Variants in LAMA3 observed in about 807,000 individuals in gnomAD.
The protein encoded by LAMA3 is laminin subunit alpha-3.
In LAMA3, 281 loss-of-function variants were observed where a neutral mutation model predicts 402.0. That is an observed-to-expected ratio of 0.70 (90% CI 0.63 to 0.77). The LOEUF is 0.77. Ranked by LOEUF, LAMA3 falls within the 30% of genes least tolerant of loss-of-function variation. The pLI, the probability that LAMA3 is intolerant of heterozygous loss-of-function variation, is 0.00. For missense variants in LAMA3, 3,840 were observed against 4,215.5 expected (o/e 0.91, Z 2.47); for synonymous variants, 1,431 against 1,558.4 (o/e 0.92, Z 1.93).
chr18:23,850,429 G>T (rs1023753489), intron 32 of LAMA3, among the ~76,000 whole-genome samples: 1 of 152,172 alleles, frequency 6.6e-6, no homozygotes. Context: ...CTCACCTTTG[G>T]CAAGTCCTAG....
chr18:23,719,425 T>C (rs2061170062), intron 2 of LAMA3, among the ~76,000 whole-genome samples: 1 of 152,210 alleles, frequency 6.6e-6, no homozygotes, highest in Admixed American at 6.5e-5. Context: ...AAAATGTTAT[T>C]TAAAATGCAA....
chr18:23,880,924 T>C (rs2064874905), intron 39 of LAMA3, among the ~76,000 whole-genome samples: 2 of 152,080 alleles, frequency 1.3e-5, no homozygotes, highest in African/African-American at 4.8e-5. Flanking sequence ...TGACACTCAT[T>C]AAAGTTTCCT....
At position 23,833,836 on chromosome 18, in the gene LAMA3, G is replaced by T; in HGVS notation, c.2832G>T (p.Leu944Phe). ...MVDLSGREVE[L>F]HLRLRIPQVG... ...CTTGGCCTCTGTGACAGGTGGAATT[G>T]CATCTGCGGCTGCGCATCCCACAGG... The change falls in exon 24 of 75, where the codon TTG becomes TTT. Residue 944 changes from leucine to phenylalanine, a missense_variant. This residue lies in a region of LAMA3 where 2,109 missense variants were observed against 2,376.0 expected (regional missense o/e 0.89). Transcript: ENST00000313654. The T allele has an allele frequency of 6.2e-7, 1 of 1,613,002 alleles. No individual in the cohort carries two copies. The highest frequency in any genetic ancestry group is 8.5e-7 in the Non-Finnish European group (1 of 1,180,008).
At position 23,882,064 on chromosome 18, in the gene LAMA3, A is replaced by T; in HGVS notation, c.5222+19A>T. 1.3e-6 allele frequency: 2 copies of T among 1,574,846 alleles called. No individual in the cohort carries two copies. The highest frequency in any genetic ancestry group is 1.7e-6 in the Non-Finnish European group (2 of 1,144,720). Reference sequence around the variant, plus strand: ...CTAACAGGTACCGTAGCAGCTTGACATAACCTACAGGGACCCAAAGTCGTT... The same window carrying T: ...CTAACAGGTACCGTAGCAGCTTGACTTAACCTACAGGGACCCAAAGTCGTT... On this transcript the variant is annotated intron_variant, in intron 40 of 74. Coordinates refer to ENST00000313654, the MANE Select transcript of LAMA3 (RefSeq NM_198129.4).
chr18:23,743,620 T>A (rs569926883), intron 2 of LAMA3, among the ~76,000 whole-genome samples: 38 of 152,360 alleles, frequency 2.5e-4, no homozygotes, highest in Non-Finnish European at 4.4e-4. Flanking sequence ...TTGTCTTCCC[T>A]ACTCACCCTG....
At chr18:23,872,581 C>A (rs2144825591) in intron 38 of LAMA3, among the ~76,000 whole-genome samples, 1 of 152,264 alleles carries the variant, frequency 6.6e-6, no homozygotes, top group East Asian at 1.9e-4. Flanking sequence ...ACTTTTTAAA[C>A]CTGCAAAAAC....
chr18:23,754,102 G>C lies in LAMA3; in HGVS notation c.947+290G>C, dbSNP rs150045739. On this transcript the variant is annotated intron_variant, in intron 6 of 74. Coordinates refer to ENST00000313654, the MANE Select transcript of LAMA3 (RefSeq NM_198129.4). ...CATACCTCAGGCAGCCAATTGATTA[G>C]AGCTGGCAAGAGAAATAAAACTTGT... Among the ~76,000 whole-genome samples, 11 of 152,226 alleles carry C rather than the reference G, an allele frequency of 7.2e-5. No homozygotes were observed. The South Asian group carries it at 1.2e-3, about 17-fold the overall frequency.
chr18:23,822,258 G>A lies in LAMA3; in HGVS notation c.2311G>A (p.Val771Ile). 1 of 1,613,870 alleles carries A rather than the reference G, an allele frequency of 6.2e-7. No individual in the cohort carries two copies. Among genetic ancestry groups the A allele is most frequent in the Non-Finnish European group, 8.5e-7 (1 of 1,179,864 alleles). Residue 771 changes from valine (V) to isoleucine (I), a missense_variant, in exon 20 of 75, where the codon GTA becomes ATA. By Grantham distance (29) the Val-to-Ile change is conservative. Transcript: ENST00000313654. ...GCGTTTCGGTATTTTTCAGAATGAT[G>A]TAAGAATAACATTGAATGTAGGGAA... ...YAQMTSVQND[V>I]RITLNVGKSS...
Position 23,951,751 on chromosome 18 carries a change from G to A in LAMA3, c.9710G>A (p.Cys3237Tyr), listed in dbSNP as rs752439660. 5.6e-6 allele frequency: 9 copies of A among 1,613,934 alleles called. No individual in the cohort carries two copies. Among genetic ancestry groups the A allele is most frequent in the South Asian group, 1.1e-5 (1 of 91,070 alleles). Residue 3237 changes from cysteine to tyrosine, a missense_variant, in exon 73 of 75, where the codon TGT becomes TAT. This residue lies in a region of LAMA3 where 840 missense variants were observed against 981.9 expected (regional missense o/e 0.86). Transcript: ENST00000313654. ...STSVTPKQSL[C>Y]DGQWHSVAVT... ...TCGGTCACACCAAAGCAGTCTCTGT[G>A]TGATGGACAGTGGCACTCGGTGGCA...
At chr18:23,799,371 G>C (rs935376690) in intron 12 of LAMA3, among the ~76,000 whole-genome samples, 1 of 152,240 alleles carries the variant, frequency 6.6e-6, no homozygotes, top group African/African-American at 2.4e-5. Flanking sequence ...GCCAATGCTA[G>C]AGTTGGTGTT....
chr18:23,761,618 G>T lies in LAMA3; in HGVS notation c.1064-1787G>T, dbSNP rs574229897. 1.4e-4 allele frequency among the ~76,000 whole-genome samples: 22 copies of T among 152,264 alleles called. No homozygotes were observed. The South Asian group carries it at 4.6e-3, about 32-fold the overall frequency. On this transcript the variant is annotated intron_variant, in intron 7 of 74. Transcript: ENST00000313654. Reference sequence around the variant, plus strand: ...AAGCACTTTTCACAGTGTGTTAAGAGCTCAATTGCTATTGTTAGTAGTAGT... The same window carrying T: ...AAGCACTTTTCACAGTGTGTTAAGATCTCAATTGCTATTGTTAGTAGTAGT...
chr18:23,761,825 A>T (rs1224412123), intron 7 of LAMA3, among the ~76,000 whole-genome samples: 1 of 152,252 alleles, frequency 6.6e-6, no homozygotes, highest in Non-Finnish European at 1.5e-5. Context: ...ATTTAAATAC[A>T]TTAGTTGTTA....
At chr18:23,806,600 T>G (rs1343099990) in intron 12 of LAMA3, among the ~76,000 whole-genome samples, 1 of 152,218 alleles carries the variant, frequency 6.6e-6, no homozygotes, top group Non-Finnish European at 1.5e-5. Flanking sequence ...ATTTAGGGGT[T>G]CAGTGTCCCC....
intron 1 of LAMA3, among the ~76,000 whole-genome samples, chr18:23,704,023 C>T (rs1239001988): frequency 2.0e-5 from 3 of 152,174 alleles, no homozygotes; most frequent in Non-Finnish European, 2.9e-5. Context: ...TGGGTTTGGG[C>T]ACTTGAGACA....
chr18:23,921,458 A>T lies in LAMA3; in HGVS notation c.8050A>T (p.Ile2684Phe), dbSNP rs770266243. The change falls in exon 62 of 75, where the codon ATC becomes TTC. Residue 2684 changes from isoleucine (I) to phenylalanine (F), a missense_variant. Physicochemically the swap from Ile to Phe is conservative, Grantham distance 21. Transcript: ENST00000313654. ...CATCTCTCATTTATTTCAGATTCAG[A>T]TCAAAATTGGAAAACTCCAAAAGCG... is the stretch of plus-strand genomic sequence containing the variant. Reference protein sequence around the residue: ...INNGRDHSIQIKIGKLQKRMW... With the variant: ...INNGRDHSIQFKIGKLQKRMW... The T allele has an allele frequency of 1.9e-6, 3 of 1,612,680 alleles. No homozygotes were observed. In the South Asian group the frequency reaches 3.3e-5, roughly 18 times the overall value.
intron 32 of LAMA3, among the ~76,000 whole-genome samples, chr18:23,857,581 C>G (rs2064113059): frequency 6.6e-6 from 1 of 152,242 alleles, no homozygotes; most frequent in Non-Finnish European, 1.5e-5. Flanking sequence ...GGGCCATGTC[C>G]CTTCTTGCGC....
At chr18:23,910,903 A>G (rs915059837) in intron 55 of LAMA3, among the ~76,000 whole-genome samples, 1 of 152,318 alleles carries the variant, frequency 6.6e-6, no homozygotes, top group Middle Eastern at 3.4e-3. Context: ...AGATAAATGC[A>G]TATTTAGTTT....
At chr18:23,946,420 G>A in intron 70 of LAMA3, 136 bp downstream of exon 70, 1 of 1,016,258 alleles carries the variant, frequency 9.8e-7, no homozygotes, top group Non-Finnish European at 1.5e-6. Context: ...TCTAATTAAT[G>A]TTCACAACCA....
At chr18:23,775,044 T>C (rs2062283449) in intron 9 of LAMA3, among the ~76,000 whole-genome samples, 1 of 152,186 alleles carries the variant, frequency 6.6e-6, no homozygotes, top group Admixed American at 6.5e-5. Context: ...GTAGGACACA[T>C]GAATCCTAAC....
Sources: allele counts gnomAD v4.1 joint callset (sites outside exome capture counted in the v4.1 genomes callset), GRCh38; gene constraint gnomAD v4.1.1; regional missense constraint gnomAD v4.1.1; transcripts MANE v1.5; gene names NCBI Gene and HGNC (gene_info 2026-07-23, HGNC 2026-07-21).